TAFA2: variants seen among roughly 807,000 people sequenced by gnomAD.
TAFA2 encodes TAFA chemokine like family member 2, also known as chemokine-like protein TAFA-2.
Under a neutral mutation model 18.8 loss-of-function variants are expected in TAFA2, and 7 were observed. The observed-to-expected ratio is 0.37, with a 90% CI of 0.21 to 0.70. The LOEUF (loss-of-function observed/expected upper bound fraction) is 0.70. Ranked by LOEUF, TAFA2 falls within the 30% of genes least tolerant of loss-of-function variation. The pLI is 0.53. For missense variants in TAFA2, 122 were observed against 158.1 expected (o/e 0.77, Z 1.23); for synonymous variants, 60 against 54.2 (o/e 1.11, Z -0.47).
At chr12:62,072,252 C>G (rs2136805879) in intron 1 of TAFA2, among the ~76,000 whole-genome samples, 1 of 151,998 alleles carries the variant, frequency 6.6e-6, no homozygotes, top group African/African-American at 2.4e-5. Flanking sequence ...ATCACAAGGT[C>G]AGGAGATCGA....
intron 1 of TAFA2, among the ~76,000 whole-genome samples, chr12:62,088,614 T>TAAAA (rs139428735): frequency 9.6e-6 from 1 of 104,472 alleles, no homozygotes; most frequent in African/African-American, 3.5e-5. Flanking sequence ...TGGACCACAT[T>TAAAA]AAAAAAAAAA....
chr12:62,073,269 C>T (rs1310571819), intron 1 of TAFA2, among the ~76,000 whole-genome samples: 1 of 152,138 alleles, frequency 6.6e-6, no homozygotes, highest in Non-Finnish European at 1.5e-5. Flanking sequence ...TTCTGTGTAC[C>T]ACACATTTTA....
At chr12:62,229,465 T>A (rs11532467) in intron 1 of TAFA2, among the ~76,000 whole-genome samples, 26,960 of 152,110 alleles carry the variant, frequency 0.18, 2,683 homozygotes, top group African/African-American at 0.27. Flanking sequence ...CATCATCTAA[T>A]GAAATGATCA....
At chr12:61,753,058 A>G (rs927072630) in intron 4 of TAFA2, among the ~76,000 whole-genome samples, 2 of 151,924 alleles carry the variant, frequency 1.3e-5, no homozygotes, top group Admixed American at 6.6e-5. Flanking sequence ...GAAATACATC[A>G]GTGTCTTAAG....
In TAFA2 at chr12:61,877,967, A is replaced by C. The variant is rs542062688; in HGVS notation, c.-1-10541T>G. On this transcript the variant is annotated intron_variant, in intron 1 of 4. Transcript: ENST00000416284. The stretch of plus-strand genomic sequence containing the variant: ...TACATATACATATATATACACACAC[A>C]GTGGAATATTATTCAGCCTTAAAAA... 372 of 437,558 alleles carry C rather than the reference A, an allele frequency of 8.5e-4. 3 individuals carry two copies. The highest frequency in any genetic ancestry group is 3.2e-3 in the South Asian group (195 of 60,438). 27.1% of individuals were successfully genotyped at this position (437,558 alleles called of 1,614,324 possible).
chr12:61,721,726 C>T (rs146574280), intron 4 of TAFA2, among the ~76,000 whole-genome samples: 2,847 of 152,250 alleles, frequency 0.019, 96 homozygotes, highest in African/African-American at 0.064. Context: ...GAGGCCAACG[C>T]GGGTGGATCA....
chr12:62,006,153 T>C (rs1880543243), intron 1 of TAFA2, among the ~76,000 whole-genome samples: 1 of 152,206 alleles, frequency 6.6e-6, no homozygotes, highest in Non-Finnish European at 1.5e-5. Context: ...GACTAGATCC[T>C]AAATTTCTTT....
At chr12:61,734,620 C>A (rs1162543513) in intron 4 of TAFA2, among the ~76,000 whole-genome samples, 1 of 151,976 alleles carries the variant, frequency 6.6e-6, no homozygotes, top group African/African-American at 2.4e-5. Flanking sequence ...GCAGCAGAGA[C>A]AAAGCCAAAA....
intron 1 of TAFA2, among the ~76,000 whole-genome samples, chr12:62,204,517 G>A (rs1376004369): frequency 6.6e-6 from 1 of 151,924 alleles, no homozygotes; most frequent in Non-Finnish European, 1.5e-5. Context: ...CGGAGGTTTT[G>A]TTCATTACTT....
At position 62,235,471 on chromosome 12, in the gene TAFA2, CT is replaced by C. The variant is rs925909069; in HGVS notation, c.-130+23291del. On this transcript the variant is annotated intron_variant, in intron 1 of 5. Coordinates refer to the TAFA2 transcript ENST00000551619. ...GGTGCGCCGCCTGCCACTGGCTCAG[CT>C]TCCCAGCTTCCTGCTCCTTCTCAGC... 9.3e-5 allele frequency: 57 copies of C among 612,706 alleles called. 1 individual carries two copies. The highest frequency in any genetic ancestry group is 5.9e-4 in the Admixed American group (24 of 40,922). 38.0% of individuals were successfully genotyped at this position (612,706 alleles called of 1,614,324 possible).
chr12:61,732,159 A>C (rs776910297), intron 4 of TAFA2, among the ~76,000 whole-genome samples: 1 of 152,038 alleles, frequency 6.6e-6, no homozygotes, highest in Non-Finnish European at 1.5e-5. Context: ...GAGCATATGG[A>C]GATAAGAGAG....
chr12:61,740,399 G>T (rs1453859321), intron 4 of TAFA2, among the ~76,000 whole-genome samples: 1 of 151,870 alleles, frequency 6.6e-6, no homozygotes, highest in African/African-American at 2.4e-5. Flanking sequence ...GGGTTAATGG[G>T]TGCAGCAAAC....
At chr12:61,913,375 A>C (rs772579139) in intron 1 of TAFA2, among the ~76,000 whole-genome samples, 9 of 152,236 alleles carry the variant, frequency 5.9e-5, no homozygotes, top group Non-Finnish European at 1.0e-4. Flanking sequence ...AAAATATTTT[A>C]TGGATATGTG....
intron 1 of TAFA2, among the ~76,000 whole-genome samples, chr12:61,912,957 C>T (rs952555329): frequency 1.3e-5 from 2 of 152,074 alleles, no homozygotes; most frequent in African/African-American, 2.4e-5. Flanking sequence ...AGAATCCACA[C>T]TGGGTATATA....
chr12:62,150,979 G>T, intron 1 of TAFA2, among the ~76,000 whole-genome samples: 1 of 149,732 alleles, frequency 6.7e-6, no homozygotes, highest in Non-Finnish European at 1.5e-5. Context: ...GCACATCCAA[G>T]TGTTGAAGGC....
At chr12:62,020,212 G>C (rs1179608582) in intron 1 of TAFA2, among the ~76,000 whole-genome samples, 1 of 152,152 alleles carries the variant, frequency 6.6e-6, no homozygotes, top group East Asian at 1.9e-4. Context: ...AACATAGTAA[G>C]AAGGAGAAAC....
At chr12:61,868,456 C>T (rs1874450579) in intron 1 of TAFA2, among the ~76,000 whole-genome samples, 1 of 152,130 alleles carries the variant, frequency 6.6e-6, no homozygotes, top group Non-Finnish European at 1.5e-5. Context: ...CTATACTGAA[C>T]TCCACTGTGC....
intron 1 of TAFA2, among the ~76,000 whole-genome samples, chr12:62,070,259 C>T (rs348642): frequency 0.66 from 100,512 of 151,990 alleles, 33,425 homozygotes; most frequent in Admixed American, 0.69. Context: ...TAAGCAAACC[C>T]CAAGTAATAC....
At chr12:61,884,335 A>G (rs899192669) in intron 1 of TAFA2, among the ~76,000 whole-genome samples, 1 of 152,156 alleles carries the variant, frequency 6.6e-6, no homozygotes, top group Non-Finnish European at 1.5e-5. Context: ...TAAAATCTAT[A>G]CAAACCCTTT....
Sources: gnomAD v4.1 joint callset for allele counts (sites outside exome capture counted in the v4.1 genomes callset) on GRCh38, gnomAD v4.1.1 for gene constraint, MANE v1.5 for transcripts, NCBI Gene and HGNC (gene_info 2026-07-23, HGNC 2026-07-21) for gene names.